Variants in PXK observed in about 807,000 individuals in gnomAD.
The protein encoded by PXK is PX domain containing serine/threonine kinase like, also known as PX domain-containing protein kinase-like protein.
In PXK, 35 loss-of-function variants were observed where a neutral mutation model predicts 84.7. The observed-to-expected ratio is 0.41, with a 90% CI of 0.32 to 0.55. PXK has a LOEUF of 0.55. PXK is among the 20% of genes least tolerant of loss of function. The pLI is 0.21. For synonymous variants in PXK, 253 were observed against 260.8 expected (o/e 0.97, Z 0.29); for missense variants, 634 against 699.7 (o/e 0.91, Z 1.06).
At chr3:58,365,707 A>G (rs2098260291) in intron 1 of PXK, among the ~76,000 whole-genome samples, 167 bp from the exon 2 acceptor site, 1 of 152,162 alleles carries the variant, frequency 6.6e-6, no homozygotes, top group Non-Finnish European at 1.5e-5. Context: ...TCTTCCTGGT[A>G]GATTACCCTT....
Position 58,398,604 on chromosome 3 carries a change from C to G in PXK, c.1103-695C>G, listed in dbSNP as rs1480391270. ...AGAGCACCTTTAGGAAGGAGGGATG[C>G]AGGAACTGGTACAGACTCATCCAGG... On this transcript the variant is annotated intron_variant, in intron 11 of 17. Transcript: ENST00000356151. This position sits in a 1 kb window ranked among gnomAD's most constrained non-coding sequence, Gnocchi z 4.5. Among the ~76,000 whole-genome samples the G allele has an allele frequency of 1.3e-5, 2 of 152,128 alleles. No homozygotes were observed. The highest frequency in any genetic ancestry group is 4.8e-5 in the African/African-American group (2 of 41,416).
intron 1 of PXK, among the ~76,000 whole-genome samples, chr3:58,357,922 T>C (rs775351200): frequency 5.9e-5 from 9 of 151,496 alleles, no homozygotes; most frequent in Non-Finnish European, 1.3e-4. Context: ...TGCATGCCAC[T>C]GCATGTCACT....
In PXK at chr3:58,376,390, G is replaced by C. The variant is rs138970134; in HGVS notation, c.202-6124G>C. Among the ~76,000 whole-genome samples the C allele has an allele frequency of 2.8e-3, 433 of 152,200 alleles. 1 individual carries two copies. The highest frequency in any genetic ancestry group is 0.01 in the African/African-American group (420 of 41,532). On this transcript the variant is annotated intron_variant, in intron 3 of 17. Coordinates refer to ENST00000356151, the MANE Select transcript of PXK (RefSeq NM_017771.5). ...AGATTGTGTCATTGCACTCCAGCCT[G>C]GGTGACAAGAGCGAAACTCTGTCTA... is the stretch of plus-strand genomic sequence containing the variant.
chr3:58,412,670 G>A lies in PXK; in HGVS notation c.1466-231G>A, dbSNP rs1320942086. Among the ~76,000 whole-genome samples, 1 of 152,334 alleles carries A rather than the reference G, an allele frequency of 6.6e-6. No homozygotes were observed. The highest frequency in any genetic ancestry group is 1.9e-4 in the East Asian group (1 of 5,186). On this transcript the variant is annotated intron_variant, in intron 16 of 17. Coordinates refer to ENST00000356151, the MANE Select transcript of PXK (RefSeq NM_017771.5). This position sits in a 1 kb window ranked among gnomAD's most constrained non-coding sequence, Gnocchi z 6.2. Reference sequence around the variant, plus strand: ...CAAACCAGGCAGGCCATGGGGAGCAGTGGGAGGCAAGGAGCTTTTAGTGGC... The same window carrying A: ...CAAACCAGGCAGGCCATGGGGAGCAATGGGAGGCAAGGAGCTTTTAGTGGC...
At position 58,379,261 on chromosome 3, in the gene PXK, C is replaced by T. The variant is rs2098475495; in HGVS notation, c.202-3253C>T. The T allele has an allele frequency of 6.5e-6, 1 of 153,596 alleles. No individual in the cohort carries two copies. Among genetic ancestry groups the T allele is most frequent in the South Asian group, 2.1e-4 (1 of 4,824 alleles). 9.5% of individuals were successfully genotyped at this position (153,596 alleles called of 1,614,324 possible). Reference sequence around the variant, plus strand: ...ATACCTAAGAACTAGTTTACTTTTTCTCCATGTTCAATACTTAGCTTTGGT... The same window carrying T: ...ATACCTAAGAACTAGTTTACTTTTTTTCCATGTTCAATACTTAGCTTTGGT... On this transcript the variant is annotated intron_variant, in intron 3 of 17. Transcript: ENST00000356151. The surrounding 1 kb of genome is among the most constrained non-coding windows in gnomAD (Gnocchi z 5.1).
At chr3:58,356,099 T>G (rs891433908) in intron 1 of PXK, among the ~76,000 whole-genome samples, 1 of 152,238 alleles carries the variant, frequency 6.6e-6, no homozygotes, top group Non-Finnish European at 1.5e-5. Context: ...CCTCCCTCAC[T>G]TAAGTCAGAA....
In PXK at chr3:58,399,399, G is replaced by A; in HGVS notation, c.1181+22G>A. The A allele has an allele frequency of 6.3e-7, 1 of 1,596,960 alleles. No individual in the cohort carries two copies. Among genetic ancestry groups the A allele is most frequent in the Non-Finnish European group, 8.6e-7 (1 of 1,164,700 alleles). Reference sequence around the variant, plus strand: ...TGCCGTAAGTCAATCATATGCGTTGGTTGTAATCTTGATAACTATGTTGAA... The same window carrying A: ...TGCCGTAAGTCAATCATATGCGTTGATTGTAATCTTGATAACTATGTTGAA... On this transcript the variant is annotated intron_variant, in intron 12 of 17. Transcript: ENST00000356151. This position sits in a 1 kb window ranked among gnomAD's most constrained non-coding sequence, Gnocchi z 4.3.
At chr3:58,393,288 C>T (rs948422325) in intron 7 of PXK, among the ~76,000 whole-genome samples, 3 of 151,990 alleles carry the variant, frequency 2.0e-5, no homozygotes, top group African/African-American at 7.2e-5. Context: ...GCGGAGCTTG[C>T]AGTGAGCCGA....
In PXK at chr3:58,416,149, C is replaced by G. The variant is rs975657173; in HGVS notation, c.1528+3186C>G. On this transcript the variant is annotated intron_variant, in intron 17 of 17. Transcript: ENST00000356151. This position sits in a 1 kb window ranked among gnomAD's most constrained non-coding sequence, Gnocchi z 4.8. ...TTGTGGTGAGGGTCTTCAGTGGAGG[C>G]CTGAGCCTTTGAAAGACAACTCAGG... Among the ~76,000 whole-genome samples the G allele has an allele frequency of 2.9e-4, 44 of 152,130 alleles. No individual in the cohort carries two copies. The highest frequency in any genetic ancestry group is 8.9e-4 in the African/African-American group (37 of 41,416).
chr3:58,402,920 C>T (rs1039728132), intron 12 of PXK, among the ~76,000 whole-genome samples: 6 of 151,726 alleles, frequency 4.0e-5, no homozygotes, highest in African/African-American at 9.7e-5. Context: ...AAGCCCAGTA[C>T]GCAATATTTA....
At chr3:58,337,143 T>C (rs569348797) in intron 1 of PXK, among the ~76,000 whole-genome samples, 3 of 152,160 alleles carry the variant, frequency 2.0e-5, no homozygotes, top group Non-Finnish European at 2.9e-5. Context: ...TCTGTGGAGT[T>C]CATCTGGATC....
chr3:58,392,950 G>A (rs960576520), intron 7 of PXK, among the ~76,000 whole-genome samples: 4 of 152,080 alleles, frequency 2.6e-5, no homozygotes, highest in Admixed American at 6.5e-5. Flanking sequence ...GTGAGCCACC[G>A]CACCCGGCCC....
At chr3:58,367,445 C>G (rs751469030) in intron 2 of PXK, among the ~76,000 whole-genome samples, 9 of 152,000 alleles carry the variant, frequency 5.9e-5, no homozygotes, top group Non-Finnish European at 1.0e-4. Context: ...CAGGGTTTCA[C>G]TGTGTTAGCC....
At chr3:58,422,760 C>T (rs953471821) in intron 17 of PXK, 35 of 985,278 alleles carry the variant, frequency 3.6e-5, no homozygotes, top group Admixed American at 2.5e-4. Context: ...CCCTGAGGCC[C>T]GTCTCCAGCC....
At chr3:58,334,928 G>GGTGTGTGTGTGTGTGTGTGTGTGTGTCT (rs2097559086) in intron 1 of PXK, among the ~76,000 whole-genome samples, 1 of 130,430 alleles carries the variant, frequency 7.7e-6, no homozygotes, top group East Asian at 2.2e-4. Context: ...TTATTGTAAG[G>GGTGTGTGTGTGTGTGTGTGTGTGTGTCT]GTGTGTGTGT....
chr3:58,358,069 G>C (rs546154014), intron 1 of PXK, among the ~76,000 whole-genome samples: 8 of 152,190 alleles, frequency 5.3e-5, no homozygotes, highest in Non-Finnish European at 1.0e-4. Flanking sequence ...ATTATGCAGT[G>C]CATAACTATA....
intron 12 of PXK, among the ~76,000 whole-genome samples, chr3:58,403,309 A>G (rs887159205): frequency 2.0e-5 from 3 of 152,156 alleles, no homozygotes; most frequent in African/African-American, 7.2e-5. Flanking sequence ...CCCAGCCAGT[A>G]ACATATTTTT....
intron 17 of PXK, chr3:58,422,848 G>A (rs2062131108): frequency 7.1e-6 from 7 of 985,286 alleles, no homozygotes; most frequent in South Asian, 9.4e-5. Context: ...CCCAAGTACC[G>A]CCGCAGCCGA....
chr3:58,357,753 C>T lies in PXK; in HGVS notation c.103-8121C>T, dbSNP rs148335933. ...CACTTTGAGGTAAGGAGTTACAGAC[C>T]AGCCTGGCAAACATGGTGAAACCCC... On this transcript the variant is annotated intron_variant, in intron 1 of 17. Transcript: ENST00000356151. Among the ~76,000 whole-genome samples the T allele has an allele frequency of 2.9e-3, 436 of 152,196 alleles. 1 individual carries two copies. Among genetic ancestry groups the T allele is most frequent in the African/African-American group, 0.01 (424 of 41,524 alleles).
Sources: gnomAD v4.1 joint callset for allele counts (sites outside exome capture counted in the v4.1 genomes callset) on GRCh38, gnomAD v4.1.1 for gene constraint, Gnocchi (gnomAD v3.1) non-coding constraint, MANE v1.5 for transcripts, NCBI Gene and HGNC (gene_info 2026-07-23, HGNC 2026-07-21) for gene names.